HDAC9: variants seen among roughly 807,000 people sequenced by gnomAD.
The protein encoded by HDAC9 is histone deacetylase 9, also known as MEF-2 interacting transcription repressor (MITR) protein.
Under a neutral mutation model 139.4 loss-of-function variants are expected in HDAC9, and 41 were observed. The observed-to-expected ratio is 0.29, with a 90% CI of 0.23 to 0.38. The LOEUF is 0.38. Ranked by LOEUF, HDAC9 falls within the 10% of genes least tolerant of loss-of-function variation. HDAC9 has a pLI of 1.00. For missense variants in HDAC9, 1,147 were observed against 1,297.0 expected (o/e 0.88, Z 1.78); for synonymous variants, 517 against 476.2 (o/e 1.09, Z -1.12).
At chr7:18,990,497 TTTTG>T (rs1209830434) in intron 25 of HDAC9, among the ~76,000 whole-genome samples, 1 of 152,216 alleles carries the variant, frequency 6.6e-6, no homozygotes, top group Non-Finnish European at 1.5e-5. Context: ...ACTGCTGTCT[TTTTG>T]TTTGTCTGTG....
chr7:18,677,303 G>A (rs1466214934), intron 12 of HDAC9, among the ~76,000 whole-genome samples: 1 of 151,710 alleles, frequency 6.6e-6, no homozygotes, highest in African/African-American at 2.4e-5. Flanking sequence ...ATCCTTCCAT[G>A]TATGTACCAG....
intron 2 of HDAC9, among the ~76,000 whole-genome samples, chr7:18,544,316 G>A (rs1170276599): frequency 1.3e-5 from 2 of 152,194 alleles, no homozygotes; most frequent in Admixed American, 1.3e-4. Context: ...TAAGTTTTGG[G>A]CTTCAATAAT....
At chr7:18,745,980 G>T (rs1018622755) in intron 13 of HDAC9, among the ~76,000 whole-genome samples, 27 of 145,254 alleles carry the variant, frequency 1.9e-4, no homozygotes, top group Non-Finnish European at 2.5e-4. Context: ...CTGCATTGGC[G>T]TCCTGGGCTC....
chr7:18,282,731 C>G (rs1797179728), intron 2 of HDAC9, among the ~76,000 whole-genome samples: 1 of 152,022 alleles, frequency 6.6e-6, no homozygotes, highest in African/African-American at 2.4e-5. Flanking sequence ...ATAAATGAGT[C>G]TGGGTACTCC....
intron 21 of HDAC9, among the ~76,000 whole-genome samples, chr7:18,843,096 G>T (rs1404126572): frequency 6.6e-6 from 1 of 151,986 alleles, no homozygotes; most frequent in African/African-American, 2.4e-5. Context: ...AAAATTTTCT[G>T]GAATCTGTAT....
chr7:18,754,751 G>GGA (rs1485481936), intron 14 of HDAC9, among the ~76,000 whole-genome samples: 1 of 152,108 alleles, frequency 6.6e-6, no homozygotes, highest in Non-Finnish European at 1.5e-5. Flanking sequence ...TGAGAAAAGT[G>GGA]GAGAGCAAGT....
chr7:18,645,778 CA>C (rs1386225510), intron 9 of HDAC9, among the ~76,000 whole-genome samples: 2 of 152,212 alleles, frequency 1.3e-5, no homozygotes, highest in South Asian at 4.1e-4. Flanking sequence ...CCAGTTTGGC[CA>C]ATCTTTACCT....
intron 24 of HDAC9, among the ~76,000 whole-genome samples, chr7:18,957,386 T>C (rs1783226609): frequency 6.6e-6 from 1 of 152,166 alleles, no homozygotes. Flanking sequence ...ATTAAAATTA[T>C]GGGCTCCCTG....
At chr7:18,949,816 T>C (rs1782668227) in intron 23 of HDAC9, 1 of 152,060 alleles carries the variant, frequency 6.6e-6, no homozygotes, top group Non-Finnish European at 1.5e-5. Flanking sequence ...AAATGACTCC[T>C]ACTCCAGAGA....
intron 12 of HDAC9, among the ~76,000 whole-genome samples, chr7:18,701,416 C>CA (rs546101451): frequency 0.011 from 722 of 64,730 alleles, 11 homozygotes; most frequent in African/African-American, 0.039. Context: ...ACAAAACAAA[C>CA]AAAAAAAAAA....
intron 2 of HDAC9, among the ~76,000 whole-genome samples, chr7:18,225,547 T>C (rs1792998238): frequency 6.6e-6 from 1 of 152,162 alleles, no homozygotes; most frequent in Non-Finnish European, 1.5e-5. Context: ...ATTTTTTCTT[T>C]CAAGTCTAGA....
chr7:18,693,497 T>G (rs1217476447), intron 12 of HDAC9, among the ~76,000 whole-genome samples: 1 of 152,144 alleles, frequency 6.6e-6, no homozygotes, highest in East Asian at 1.9e-4. Flanking sequence ...CACAATTTAC[T>G]TTTAACGAAA....
At chr7:18,193,128 G>T (rs1446987155) in intron 2 of HDAC9, among the ~76,000 whole-genome samples, 3 of 152,168 alleles carry the variant, frequency 2.0e-5, no homozygotes, top group African/African-American at 7.2e-5. Context: ...TGATTCTGGG[G>T]AGATAATCTT....
rs1340801441 is a variant in HDAC9 at position 18,975,884 on chromosome 7, C to T, written c.3101C>T (p.Thr1034Ile). Residue 1034 changes from threonine (T) to isoleucine (I), a missense_variant, in exon 25 of 26, where the codon ACA becomes ATA. By Grantham distance (89) the Thr-to-Ile change is moderately conservative. This residue lies in a region of HDAC9 where 407 missense variants were observed against 521.5 expected (regional missense o/e 0.78). Coordinates refer to ENST00000686413, the MANE Select transcript of HDAC9 (RefSeq NM_178425.4). ...ALAGAQLQEETETVSALASLT... is the reference protein window; with the variant it reads ...ALAGAQLQEEIETVSALASLT... ...GCTGGTGCTCAGTTGCAAGAGGAGA[C>T]AGAGACCGTTTCTGCCCTGGCCTCC... is the stretch of plus-strand genomic sequence containing the variant. 6.2e-7 allele frequency: 1 copy of T among 1,613,872 alleles called. No individual in the cohort carries two copies. Among genetic ancestry groups the T allele is most frequent in the Non-Finnish European group, 8.5e-7 (1 of 1,179,838 alleles).
chr7:18,815,317 G>A (rs1305810066), intron 17 of HDAC9, among the ~76,000 whole-genome samples: 1 of 151,648 alleles, frequency 6.6e-6, no homozygotes, highest in African/African-American at 2.4e-5. Flanking sequence ...AAAAAATTTG[G>A]CCAATTGAAT....
At chr7:18,918,224 T>C (rs913519908) in intron 22 of HDAC9, among the ~76,000 whole-genome samples, 2 of 151,890 alleles carry the variant, frequency 1.3e-5, no homozygotes, top group Admixed American at 1.3e-4. Context: ...AATGAAAACA[T>C]TCACTGATGA....
intron 17 of HDAC9, among the ~76,000 whole-genome samples, chr7:18,815,120 G>A (rs1794466837): frequency 6.6e-6 from 1 of 151,840 alleles, no homozygotes; most frequent in African/African-American, 2.4e-5. Flanking sequence ...CTCTTATTGT[G>A]TGTTATGATC....
At chr7:18,550,257 G>C (rs1188151242) in intron 2 of HDAC9, among the ~76,000 whole-genome samples, 1 of 152,026 alleles carries the variant, frequency 6.6e-6, no homozygotes, top group Admixed American at 6.5e-5. Flanking sequence ...AACCTGTTCT[G>C]CTCTATTCTT....
At chr7:18,399,549 A>G (rs1298719749) in intron 1 of HDAC9, among the ~76,000 whole-genome samples, 1 of 152,218 alleles carries the variant, frequency 6.6e-6, no homozygotes, top group African/African-American at 2.4e-5. Context: ...ATCTCATAGT[A>G]ATAGGCTAAA....
Sources: gnomAD v4.1 joint callset for allele counts (sites outside exome capture counted in the v4.1 genomes callset) on GRCh38, gnomAD v4.1.1 for gene constraint, gnomAD v4.1.1 regional missense constraint, MANE v1.5 for transcripts, NCBI Gene and HGNC (gene_info 2026-07-23, HGNC 2026-07-21) for gene names.